The following THSD7A variants were observed in gnomAD, a reference collection of about 807,000 sequenced individuals.
THSD7A encodes thrombospondin type-1 domain-containing protein 7A.
A neutral mutation model predicts 231.3 loss-of-function variants in THSD7A; 96 were observed. The ratio of observed to expected loss-of-function variants is 0.41; its 90% CI spans 0.35 to 0.49. The LOEUF is 0.49. Among genes scored for constraint, THSD7A ranks in the 20% least tolerant of loss-of-function variants. THSD7A has a pLI of 0.05. For missense variants in THSD7A, 2,290 were observed against 2,070.2 expected, an observed-to-expected ratio of 1.11 and a Z score of -2.06; for synonymous variants, 940 against 743.3, an observed-to-expected ratio of 1.26 and a Z score of -4.30.
At chr7:11,435,962 C>A (rs1562607384) in intron 13 of THSD7A, among the ~76,000 whole-genome samples, 1 of 151,914 alleles carries the variant, frequency 6.6e-6, no homozygotes, top group South Asian at 2.1e-4. Flanking sequence ...TTATATTGCA[C>A]TTTCAAATAT....
chr7:11,764,955 T>C (rs1424080796), intron 1 of THSD7A, among the ~76,000 whole-genome samples: 1 of 152,134 alleles, frequency 6.6e-6, no homozygotes, highest in East Asian at 1.9e-4. Context: ...TTAAAATCTG[T>C]AACAGTATAG....
intron 24 of THSD7A, among the ~76,000 whole-genome samples, chr7:11,380,600 A>G (rs1239853333): frequency 6.6e-6 from 1 of 152,214 alleles, no homozygotes; most frequent in African/African-American, 2.4e-5. Context: ...ATTGCAAGGC[A>G]ATCGCAGTTA....
chr7:11,734,288 G>A (rs1476822257), intron 1 of THSD7A, among the ~76,000 whole-genome samples: 3 of 151,814 alleles, frequency 2.0e-5, no homozygotes, highest in Non-Finnish European at 2.9e-5. Flanking sequence ...AATTATTCCC[G>A]TTGCACAACC....
chr7:11,504,438 G>GACACATATA (rs1787463353), intron 6 of THSD7A, among the ~76,000 whole-genome samples: 1 of 152,066 alleles, frequency 6.6e-6, no homozygotes, highest in Admixed American at 6.6e-5. Flanking sequence ...TCTGTGACAT[G>GACACATATA]TTTGTCTATA....
intron 1 of THSD7A, among the ~76,000 whole-genome samples, chr7:11,809,728 T>C (rs1784480784): frequency 2.0e-5 from 3 of 152,154 alleles, no homozygotes; most frequent in African/African-American, 7.2e-5. Flanking sequence ...CTTGCTTAAT[T>C]TCTAGGCCTA....
chr7:11,477,455 G>A (rs1326890818), intron 7 of THSD7A, among the ~76,000 whole-genome samples: 1 of 152,016 alleles, frequency 6.6e-6, no homozygotes, highest in Admixed American at 6.6e-5. Flanking sequence ...CAGATTAAGG[G>A]GGTGTCTGTC....
rs144717984 is a variant in THSD7A, at chr7:11,773,358, C to T, written c.190+58399G>A. Among the ~76,000 whole-genome samples the T allele has an allele frequency of 8.4e-3, 1,279 of 152,106 alleles. 17 individuals are homozygous for T. The highest frequency in any genetic ancestry group is 0.029 in the African/African-American group (1,208 of 41,494). On this transcript the variant is annotated intron_variant, in intron 1 of 27. Coordinates refer to ENST00000423059, the MANE Select transcript of THSD7A (RefSeq NM_015204.3). ...GACCAGCCTGATCAAAATGGAGAAACCCTGTCTCTACTAAAATACGAAATT... is the reference window on the plus strand; with the variant it reads ...GACCAGCCTGATCAAAATGGAGAAATCCTGTCTCTACTAAAATACGAAATT...
chr7:11,412,745 G>C lies in THSD7A; in HGVS notation c.3593C>G (p.Ala1198Gly). The stretch of plus-strand genomic sequence containing the variant: ...ATTAGGGCAAGATCTTCCTTCATCA[G>C]CTGGTTGTCTGATGGGATCAGCTGA... ...QRSADPIRQP[A>G]DEGRSCPNAV... The change falls in exon 18 of 28, where the codon GCT (alanine) becomes GGT (glycine). Residue 1198 changes from alanine to glycine, a missense_variant. By Grantham distance (60) the Ala-to-Gly change is moderately conservative. Coordinates refer to ENST00000423059, the MANE Select transcript of THSD7A (RefSeq NM_015204.3). The C allele has an allele frequency of 6.2e-7, 1 of 1,613,658 alleles. No individual in the cohort carries two copies.
chr7:11,439,630 G>T (rs1442465667), intron 13 of THSD7A, among the ~76,000 whole-genome samples: 1 of 151,988 alleles, frequency 6.6e-6, no homozygotes, highest in Non-Finnish European at 1.5e-5. Context: ...CAAAGTTTTA[G>T]CGGTCTAGAA....
At chr7:11,571,821 C>G (rs185462350) in intron 4 of THSD7A, among the ~76,000 whole-genome samples, 57 of 151,850 alleles carry the variant, frequency 3.8e-4, no homozygotes, top group African/African-American at 1.2e-3. Context: ...TTTCCTCTGG[C>G]TGCTTTAAAA....
chr7:11,649,122 G>A lies in THSD7A; in HGVS notation c.191-12161C>T, dbSNP rs183945570. ...ATGAAAGATATGTGGCTTCTGACTT[G>A]CCCTCTCTTGGTTCATTCAGTCTGG... On this transcript the variant is annotated intron_variant, in intron 1 of 27. Transcript: ENST00000423059. Among the ~76,000 whole-genome samples the A allele has an allele frequency of 9.2e-5, 14 of 152,074 alleles. No individual in the cohort carries two copies. The East Asian group carries it at 2.7e-3, about 30-fold the overall frequency.
At chr7:11,625,939 C>T (rs1211593498) in intron 2 of THSD7A, among the ~76,000 whole-genome samples, 2 of 152,036 alleles carry the variant, frequency 1.3e-5, no homozygotes, top group Non-Finnish European at 2.9e-5. Context: ...GCAAGGCTCC[C>T]ATAGGAAACT....
chr7:11,583,395 G>C (rs1209250909), intron 4 of THSD7A, among the ~76,000 whole-genome samples: 1 of 152,030 alleles, frequency 6.6e-6, no homozygotes, highest in Non-Finnish European at 1.5e-5. Context: ...TCTTACCTCA[G>C]CCTCCCATGT....
intron 1 of THSD7A, among the ~76,000 whole-genome samples, chr7:11,687,399 C>A (rs926495547): frequency 6.6e-6 from 1 of 151,708 alleles, no homozygotes; most frequent in East Asian, 1.9e-4. Flanking sequence ...TGGGTTGATC[C>A]TGATAGGTAA....
chr7:11,393,478 C>T (rs1456502127), intron 23 of THSD7A, among the ~76,000 whole-genome samples: 1 of 152,150 alleles, frequency 6.6e-6, no homozygotes, highest in African/African-American at 2.4e-5. Flanking sequence ...CAACTCTTCG[C>T]CAGCAGGGGA....
chr7:11,615,412 G>A (rs74950317), intron 2 of THSD7A, among the ~76,000 whole-genome samples: 3,899 of 152,256 alleles, frequency 0.026, 151 homozygotes, highest in African/African-American at 0.083. Flanking sequence ...TTCTGGCTAA[G>A]TGGCATCCAC....
intron 1 of THSD7A, among the ~76,000 whole-genome samples, chr7:11,758,573 A>T (rs942651800): frequency 5.9e-5 from 9 of 152,020 alleles, no homozygotes; most frequent in Admixed American, 3.3e-4. Context: ...AGTAAAATTA[A>T]GGACTTCTAT....
intron 13 of THSD7A, among the ~76,000 whole-genome samples, chr7:11,439,241 A>G (rs1250643499): frequency 6.6e-6 from 1 of 152,028 alleles, no homozygotes; most frequent in Non-Finnish European, 1.5e-5. Flanking sequence ...CAATGTAAGT[A>G]TATTAGAATG....
intron 1 of THSD7A, among the ~76,000 whole-genome samples, chr7:11,670,275 CTTT>C (rs1178571939): frequency 6.6e-6 from 1 of 152,084 alleles, no homozygotes; most frequent in Admixed American, 6.6e-5. Flanking sequence ...GGAGTTTAAC[CTTT>C]AGGTTCTGTG....
Sources: allele counts gnomAD v4.1 joint callset (sites outside exome capture counted in the v4.1 genomes callset), GRCh38; gene constraint gnomAD v4.1.1; transcripts MANE v1.5; gene names NCBI Gene and HGNC (gene_info 2026-07-23, HGNC 2026-07-21).